Variants in OTUD7A observed in about 807,000 individuals in gnomAD.
The protein encoded by OTUD7A is OTU domain-containing protein 7A.
Under a neutral mutation model 65.7 loss-of-function variants are expected in OTUD7A, and 12 were observed. That is an observed-to-expected ratio of 0.18 (90% confidence interval 0.12 to 0.30). OTUD7A has a LOEUF of 0.30. Ranked by LOEUF, OTUD7A falls within the 10% of genes least tolerant of loss-of-function variation. The pLI is 1.00. For missense variants in OTUD7A, 1,148 were observed against 1,304.8 expected, an observed-to-expected ratio of 0.88 and a Z score of 1.85; for synonymous variants, 641 against 586.3, an observed-to-expected ratio of 1.09 and a Z score of -1.35.
At chr15:31,744,360 AT>A (rs1439095404) in intron 1 of OTUD7A, among the ~76,000 whole-genome samples, 2 of 152,160 alleles carry the variant, frequency 1.3e-5, no homozygotes, top group Non-Finnish European at 2.9e-5. Flanking sequence ...CTCATACTGT[AT>A]TAGTTGAGTC....
chr15:31,860,774 C>T (rs976777452), intron 1 of OTUD7A, among the ~76,000 whole-genome samples: 1 of 146,336 alleles, frequency 6.8e-6, no homozygotes, highest in Non-Finnish European at 1.5e-5. Context: ...GGTGCAATCT[C>T]GGCTCATTGC....
At chr15:31,601,255 A>G (rs1164378686) in intron 3 of OTUD7A, among the ~76,000 whole-genome samples, 1 of 152,198 alleles carries the variant, frequency 6.6e-6, no homozygotes, top group Non-Finnish European at 1.5e-5. Flanking sequence ...ATCATAACAA[A>G]CAGTCTCTCA....
At chr15:31,530,859 C>G (rs57131062) in intron 5 of OTUD7A, 51 bp from the exon 6 acceptor site, 124,752 of 1,510,286 alleles carry the variant, frequency 0.083, 5,666 homozygotes, top group Middle Eastern at 0.11. Flanking sequence ...GAAGGGGCCA[C>G]TGGGGGTGTT....
At chr15:31,629,830 T>C (rs192899376) in intron 3 of OTUD7A, among the ~76,000 whole-genome samples, 73 of 152,352 alleles carry the variant, frequency 4.8e-4, no homozygotes, top group African/African-American at 1.7e-3. Context: ...GGAGGGTGTA[T>C]GTGTCCAGGA....
At chr15:31,619,011 G>C (rs1890686767) in intron 3 of OTUD7A, among the ~76,000 whole-genome samples, 1 of 152,156 alleles carries the variant, frequency 6.6e-6, no homozygotes, top group South Asian at 2.1e-4. Flanking sequence ...AGTTTTCCCA[G>C]CACCATTTGT....
At chr15:31,540,637 CT>C (rs1227402860) in intron 5 of OTUD7A, among the ~76,000 whole-genome samples, 1 of 152,102 alleles carries the variant, frequency 6.6e-6, no homozygotes, top group South Asian at 2.1e-4. Context: ...TGGGAAAGTA[CT>C]TAAGATAGGG....
Position 31,832,552 on chromosome 15 carries a change from C to G in OTUD7A, c.-100+37955G>C, listed in dbSNP as rs1454534034. Among the ~76,000 whole-genome samples the G allele has an allele frequency of 5.9e-5, 9 of 152,226 alleles. No homozygotes were observed. The East Asian group carries it at 1.7e-3, about 29-fold the overall frequency. Reference sequence around the variant, plus strand: ...CACTGTTGTACAACCATCAACAGAACTGTTTTCATCTTGTAAAACGGAAAC... The same window carrying G: ...CACTGTTGTACAACCATCAACAGAAGTGTTTTCATCTTGTAAAACGGAAAC... On this transcript the variant is annotated intron_variant, in intron 1 of 12. Coordinates refer to ENST00000307050, the MANE Select transcript of OTUD7A (RefSeq NM_001382637.1).
At chr15:31,664,252 T>C (rs1484931117) in intron 1 of OTUD7A, among the ~76,000 whole-genome samples, 1 of 144,432 alleles carries the variant, frequency 6.9e-6, no homozygotes, top group Non-Finnish European at 1.5e-5. Flanking sequence ...CTCCACACTG[T>C]TTTCCATAGT....
intron 6 of OTUD7A, among the ~76,000 whole-genome samples, chr15:31,529,387 A>C (rs2042056797): frequency 6.6e-6 from 1 of 152,202 alleles, no homozygotes; most frequent in African/African-American, 2.4e-5. Context: ...TGGATTCAAG[A>C]CTGTGAACAC....
At chr15:31,559,524 A>C (rs185335296) in intron 4 of OTUD7A, among the ~76,000 whole-genome samples, 45 of 152,284 alleles carry the variant, frequency 3.0e-4, no homozygotes, top group African/African-American at 1.1e-3. Flanking sequence ...TCACACATGA[A>C]TACGAAAGCA....
At chr15:31,607,616 A>G (rs1197581841) in intron 3 of OTUD7A, among the ~76,000 whole-genome samples, 2 of 152,198 alleles carry the variant, frequency 1.3e-5, no homozygotes, top group Admixed American at 1.3e-4. Flanking sequence ...AAAAATTCCT[A>G]TTGCCTAGTG....
At chr15:31,818,765 A>G (rs540445941) in intron 1 of OTUD7A, among the ~76,000 whole-genome samples, 1 of 152,364 alleles carries the variant, frequency 6.6e-6, no homozygotes, top group African/African-American at 2.4e-5. Flanking sequence ...TTACTGAAGC[A>G]TTACAGAACT....
chr15:31,696,022 A>G (rs1237772331), intron 1 of OTUD7A, among the ~76,000 whole-genome samples: 4 of 152,386 alleles, frequency 2.6e-5, no homozygotes, highest in Non-Finnish European at 5.9e-5. Context: ...AATTCTCCGC[A>G]GAGAACCTCC....
At chr15:31,500,558 A>C (rs891841117) in intron 10 of OTUD7A, among the ~76,000 whole-genome samples, 2 of 152,230 alleles carry the variant, frequency 1.3e-5, no homozygotes, top group Admixed American at 6.5e-5. Flanking sequence ...AGGAAGTGAC[A>C]CGCTGGTGCC....
chr15:31,790,966 T>C (rs1023875765), intron 1 of OTUD7A, among the ~76,000 whole-genome samples: 2 of 152,204 alleles, frequency 1.3e-5, no homozygotes, highest in African/African-American at 2.4e-5. Flanking sequence ...AATAGTGGAC[T>C]GGGAGGTGCA....
At chr15:31,585,051 C>T (rs1889489046) in intron 3 of OTUD7A, among the ~76,000 whole-genome samples, 2 of 152,156 alleles carry the variant, frequency 1.3e-5, no homozygotes, top group Non-Finnish European at 2.9e-5. Flanking sequence ...CATTGCGCCT[C>T]CCTTTGTTGG....
chr15:31,590,364 G>C (rs1024926407), intron 3 of OTUD7A, among the ~76,000 whole-genome samples: 18 of 152,092 alleles, frequency 1.2e-4, no homozygotes, highest in African/African-American at 3.9e-4. Context: ...CTGTCATTCA[G>C]TGATGAATGA....
chr15:31,667,758 T>C (rs1384390197), intron 1 of OTUD7A, among the ~76,000 whole-genome samples: 1 of 152,188 alleles, frequency 6.6e-6, no homozygotes, highest in Non-Finnish European at 1.5e-5. Flanking sequence ...GTGTGATTTA[T>C]GCTTTACAAA....
intron 4 of OTUD7A, among the ~76,000 whole-genome samples, chr15:31,564,415 G>T (rs1203169012): frequency 9.4e-6 from 1 of 106,140 alleles, no homozygotes; most frequent in East Asian, 3.0e-4. Flanking sequence ...AAAGAGAAAA[G>T]AATACATGTG....
Sources: allele counts gnomAD v4.1 joint callset (sites outside exome capture counted in the v4.1 genomes callset), GRCh38; gene constraint gnomAD v4.1.1; transcripts MANE v1.5; gene names NCBI Gene and HGNC (gene_info 2026-07-23, HGNC 2026-07-21).